Variants in CPEB1 observed in about 807,000 individuals in gnomAD.
The protein encoded by CPEB1 is cytoplasmic polyadenylation element binding protein 1, also known as cytoplasmic polyadenylation element-binding protein 1.
CPEB1 carries 7 observed loss-of-function variants against 65.8 expected under a neutral mutation model. The observed-to-expected ratio is 0.11, with a 90% CI of 0.06 to 0.20. The LOEUF (loss-of-function observed/expected upper bound fraction) is 0.20, where lower values mean the gene tolerates loss of function less well. Ranked by LOEUF, CPEB1 falls within the 10% of genes least tolerant of loss-of-function variation. CPEB1 has a pLI of 1.00. For synonymous variants in CPEB1, 262 were observed against 260.0 expected, an observed-to-expected ratio of 1.01 and a Z score of -0.08; for missense variants, 551 against 712.2, an observed-to-expected ratio of 0.77 and a Z score of 2.58.
Position 82,646,622 on chromosome 15 carries a change from CGAAAGCGCCCAA to C in CPEB1, c.-98+503_-98+514del, listed in dbSNP as rs1462576609. Among the ~76,000 whole-genome samples the C allele has an allele frequency of 4.1e-4, 62 of 152,326 alleles. 1 individual carries two copies. The Middle Eastern group carries it at 0.01, about 25-fold the overall frequency. On this transcript the variant is annotated intron_variant, in intron 1 of 12. Coordinates refer to ENST00000684509, the MANE Select transcript of CPEB1 (RefSeq NM_001365242.1). ...CCCCCGAAAAATAAGCGCGCGCCCA[CGAAAGCGCCCAA>C]GAGCCCAGGCGTCTGCCTGGCTTTT... is the stretch of plus-strand genomic sequence containing the variant.
intron 9 of CPEB1, among the ~76,000 whole-genome samples, chr15:82,550,510 C>G (rs1440066458): frequency 6.6e-6 from 1 of 152,130 alleles, no homozygotes; most frequent in African/African-American, 2.4e-5. Flanking sequence ...GCAGGATGGG[C>G]AAGCAAGGAA....
At chr15:82,627,729 A>G (rs75105162) in intron 2 of CPEB1, among the ~76,000 whole-genome samples, 3,440 of 152,308 alleles carry the variant, frequency 0.023, 132 homozygotes, top group African/African-American at 0.078. Context: ...TTAAGGGAAA[A>G]GGTAAACACC....
At chr15:82,610,594 A>C (rs1362866678) in intron 3 of CPEB1, among the ~76,000 whole-genome samples, 3 of 152,198 alleles carry the variant, frequency 2.0e-5, no homozygotes. Flanking sequence ...CTCAATGGAC[A>C]CAGACAAGTA....
At chr15:82,584,901 TG>T (rs2041639985) in intron 3 of CPEB1, among the ~76,000 whole-genome samples, 1 of 119,906 alleles carries the variant, frequency 8.3e-6, no homozygotes, top group Non-Finnish European at 1.7e-5. Flanking sequence ...TTTCCTAATT[TG>T]CTTTTTTTTT....
intron 3 of CPEB1, among the ~76,000 whole-genome samples, chr15:82,614,079 C>G (rs1298180226): frequency 6.6e-6 from 1 of 152,150 alleles, no homozygotes; most frequent in African/African-American, 2.4e-5. Context: ...ACTCCCTACC[C>G]TGGGACGGCC....
chr15:82,584,465 G>A (rs2041588136), intron 3 of CPEB1, among the ~76,000 whole-genome samples: 2 of 151,786 alleles, frequency 1.3e-5, no homozygotes, highest in South Asian at 2.1e-4. Flanking sequence ...ATCACTTGAG[G>A]TCAGGAGTTC....
intron 3 of CPEB1, among the ~76,000 whole-genome samples, chr15:82,609,193 T>C (rs892820697): frequency 6.6e-6 from 1 of 152,160 alleles, no homozygotes; most frequent in Admixed American, 6.5e-5. Flanking sequence ...ACTTGGAAAG[T>C]TGTAAAATCC....
chr15:82,646,363 G>C (rs1004303100), intron 1 of CPEB1, among the ~76,000 whole-genome samples: 1 of 152,212 alleles, frequency 6.6e-6, no homozygotes, highest in African/African-American at 2.4e-5. Context: ...TGCCAGGAGA[G>C]AGCGCGGGGA....
At chr15:82,604,352 G>A (rs1220534770) in intron 3 of CPEB1, among the ~76,000 whole-genome samples, 1 of 151,914 alleles carries the variant, frequency 6.6e-6, no homozygotes, top group South Asian at 2.1e-4. Context: ...CATGGTAGTG[G>A]GCACCTGTAG....
At position 82,625,730 on chromosome 15, in the gene CPEB1, C is replaced by T. The variant is rs776005043; in HGVS notation, c.271+1463G>A. ...CAACGTAGTGTTGCTCAAGGGTTGA[C>T]TGTAATTATCAGTCCTTGTTTTGAG... On this transcript the variant is annotated intron_variant, in intron 3 of 12. Transcript: ENST00000684509. Among the ~76,000 whole-genome samples, 51 of 152,186 alleles carry T rather than the reference C, an allele frequency of 3.4e-4. 1 individual carries two copies. The highest frequency in any genetic ancestry group is 3.1e-3 in the Admixed American group (48 of 15,272).
chr15:82,572,970 G>A (rs1290598680), intron 3 of CPEB1: 13 of 1,414,534 alleles, frequency 9.2e-6, no homozygotes, highest in Non-Finnish European at 1.2e-5. Context: ...TCATAAAGGA[G>A]GGTAGGGCAA....
At chr15:82,633,124 C>A (rs553321116) in intron 1 of CPEB1, 2 of 152,092 alleles carry the variant, frequency 1.3e-5, no homozygotes, top group East Asian at 3.9e-4. Flanking sequence ...CTACTGTCAA[C>A]GGGAAAGAAG....
upstream of CPEB1, chr15:82,647,732 C>A (rs1433045393): frequency 4.4e-6 from 4 of 900,992 alleles, no homozygotes; most frequent in Non-Finnish European, 5.8e-6. Context: ...CGCGCCCCGC[C>A]CGGGACTCGC....
At chr15:82,596,542 C>CA (rs2042677394) in intron 3 of CPEB1, among the ~76,000 whole-genome samples, 1 of 151,520 alleles carries the variant, frequency 6.6e-6, no homozygotes, top group East Asian at 1.9e-4. Flanking sequence ...TACTAAAATA[C>CA]AAAAAATTAG....
chr15:82,589,589 C>G (rs1184080542), intron 3 of CPEB1, among the ~76,000 whole-genome samples: 2 of 151,966 alleles, frequency 1.3e-5, no homozygotes, highest in East Asian at 3.9e-4. Flanking sequence ...ACCAAAAATA[C>G]AAAAATTAAC....
chr15:82,633,932 G>GT (rs2046453964), intron 1 of CPEB1, among the ~76,000 whole-genome samples: 1 of 151,454 alleles, frequency 6.6e-6, no homozygotes, highest in African/African-American at 2.4e-5. Flanking sequence ...TACCACTTAG[G>GT]TATCACTCTG....
At chr15:82,598,514 G>GT (rs899183129) in intron 3 of CPEB1, among the ~76,000 whole-genome samples, 2 of 152,078 alleles carry the variant, frequency 1.3e-5, no homozygotes, top group Non-Finnish European at 2.9e-5. Flanking sequence ...GCTGGGCGCA[G>GT]TGGTTCACGC....
chr15:82,631,589 A>G (rs1056483815), intron 1 of CPEB1, among the ~76,000 whole-genome samples: 1 of 152,130 alleles, frequency 6.6e-6, no homozygotes, highest in African/African-American at 2.4e-5. Flanking sequence ...TGAACCAACG[A>G]ATACTGTCTA....
chr15:82,603,863 G>A (rs2043326104), intron 3 of CPEB1, among the ~76,000 whole-genome samples: 1 of 152,122 alleles, frequency 6.6e-6, no homozygotes, highest in Admixed American at 6.6e-5. Flanking sequence ...TGTGGAGGAC[G>A]GATAACCCGA....
Sources: allele counts gnomAD v4.1 joint callset (sites outside exome capture counted in the v4.1 genomes callset), GRCh38; gene constraint gnomAD v4.1.1; transcripts MANE v1.5; gene names NCBI Gene and HGNC (gene_info 2026-07-23, HGNC 2026-07-21).